CRYBG3: variants seen among roughly 807,000 people sequenced by gnomAD.
CRYBG3 encodes the protein very large A-kinase anchor protein.
A neutral mutation model predicts 244.2 loss-of-function variants in CRYBG3; 127 were observed. The observed-to-expected ratio is 0.52, with a 90% confidence interval of 0.45 to 0.60. The LOEUF (loss-of-function observed/expected upper bound fraction) is 0.60, where lower values mean the gene tolerates loss of function less well. CRYBG3 is among the 20% of genes least tolerant of loss of function. The pLI is 0.00. For missense variants in CRYBG3, 3,325 were observed against 3,442.5 expected, an observed-to-expected ratio of 0.97 and a Z score of 0.85; for synonymous variants, 1,132 against 1,195.8, an observed-to-expected ratio of 0.95 and a Z score of 1.10.
intron 2 of CRYBG3, among the ~76,000 whole-genome samples, chr3:97,851,560 A>T (rs1338202848): frequency 6.6e-6 from 1 of 152,236 alleles, no homozygotes; most frequent in African/African-American, 2.4e-5. Flanking sequence ...GATAAGTCCC[A>T]GCAGTGGAAA....
At chr3:97,910,781 A>AT (rs1424810208) in intron 15 of CRYBG3, among the ~76,000 whole-genome samples, 2 of 151,874 alleles carry the variant, frequency 1.3e-5, no homozygotes, top group East Asian at 1.9e-4. Context: ...CCCTTCTTTT[A>AT]TTTTTTTAAA....
intron 1 of CRYBG3, among the ~76,000 whole-genome samples, chr3:97,841,268 A>C (rs1409323431): frequency 6.7e-6 from 1 of 149,678 alleles, no homozygotes; most frequent in African/African-American, 2.5e-5. Flanking sequence ...GTGTATACAC[A>C]TATATGTACA....
Position 97,864,148 on chromosome 3 carries a change from A to G in CRYBG3, c.217-69A>G. 2 of 1,241,084 alleles carry G rather than the reference A, an allele frequency of 1.6e-6. 1 individual carries two copies. The highest frequency in any genetic ancestry group is 3.2e-5 in the South Asian group (2 of 61,848). The allele number at this position is 1,241,084 out of a possible 1,614,324, so 76.9% of individuals were successfully genotyped here. A position where few individuals can be genotyped will look rare whatever the true frequency, so the allele number is the denominator to read the frequency against. ...CTGGTGTCTACACAGAATCTGTTTTATAATAGCTTATCAGTCTGTTTCATT... is the reference window on the plus strand; with the variant it reads ...CTGGTGTCTACACAGAATCTGTTTTGTAATAGCTTATCAGTCTGTTTCATT... On this transcript the variant is annotated intron_variant, in intron 2 of 21. Coordinates refer to ENST00000389622, the MANE Select transcript of CRYBG3 (RefSeq NM_153605.4).
At chr3:97,902,560 G>C (rs1375567448) in intron 15 of CRYBG3, among the ~76,000 whole-genome samples, 1 of 150,890 alleles carries the variant, frequency 6.6e-6, no homozygotes, top group African/African-American at 2.4e-5. Context: ...CGTGTGCCAT[G>C]GTGGTTTGCT....
At chr3:97,855,081 C>T (rs965853490) in intron 2 of CRYBG3, among the ~76,000 whole-genome samples, 4 of 151,918 alleles carry the variant, frequency 2.6e-5, no homozygotes, top group Non-Finnish European at 5.9e-5. Context: ...TTTTATTAAA[C>T]GTTTTTCTGT....
At chr3:97,916,341 TGTCTGGTG>T (rs2039928957) in intron 17 of CRYBG3, among the ~76,000 whole-genome samples, 1 of 152,154 alleles carries the variant, frequency 6.6e-6, no homozygotes, top group Non-Finnish European at 1.5e-5. Context: ...AGGGCCTTTC[TGTCTGGTG>T]TGTGCAGAAT....
At chr3:97,921,481 G>C (rs1417391654) in intron 17 of CRYBG3, among the ~76,000 whole-genome samples, 3 of 152,006 alleles carry the variant, frequency 2.0e-5, no homozygotes, top group Non-Finnish European at 4.4e-5. Flanking sequence ...AAAATATATA[G>C]GCAGTAGTTG....
At chr3:97,827,925 A>G (rs1158186925) in intron 1 of CRYBG3, among the ~76,000 whole-genome samples, 1 of 152,210 alleles carries the variant, frequency 6.6e-6, no homozygotes, top group Non-Finnish European at 1.5e-5. Context: ...ATGGTTTGGA[A>G]TGGAAATAAA....
intron 17 of CRYBG3, among the ~76,000 whole-genome samples, chr3:97,917,649 T>C (rs191323429): frequency 2.0e-5 from 3 of 152,112 alleles, no homozygotes; most frequent in Admixed American, 6.5e-5. Context: ...CAATTTAGTG[T>C]TTTGTAATAA....
rs1404597550 is a variant in CRYBG3 at position 97,892,926 on chromosome 3, G to T, written c.7507G>T (p.Val2503Phe). ...AKEFSEHIDS[V>F]PNFLKNNGDF... is the part of the protein sequence containing the mutation. ...AGAGTTTAGTGAACATATAGATTCT[G>T]TTCCTAATTTTTTGAAAAATAATGG... is the stretch of plus-strand genomic sequence containing the variant. The change falls in exon 11 of 22, where the codon GTT becomes TTT. Residue 2503 changes from valine to phenylalanine, a missense_variant. Coordinates refer to ENST00000389622, the MANE Select transcript of CRYBG3 (RefSeq NM_153605.4). 1 of 1,595,028 alleles carries T rather than the reference G, an allele frequency of 6.3e-7. No homozygotes were observed. Among genetic ancestry groups the T allele is most frequent in the East Asian group, 2.3e-5 (1 of 44,218 alleles).
Position 97,864,427 on chromosome 3 carries a change from T to C in CRYBG3, c.427T>C (p.Ser143Pro), listed in dbSNP as rs1368105171. 9 of 1,535,842 alleles carry C rather than the reference T, an allele frequency of 5.9e-6. No individual in the cohort carries two copies. Among genetic ancestry groups the C allele is most frequent in the South Asian group, 1.2e-5 (1 of 84,054 alleles). Residue 143 changes from serine (S) to proline (P), a missense_variant, in exon 3 of 22, where the codon TCT (serine) becomes CCT (proline). Around this residue, in one of 4 missense-constraint regions of CRYBG3, gnomAD observed 1,526 missense variants for 1,443.2 expected, o/e 1.06. Transcript: ENST00000389622. ...GKSSLGEAKQ[S>P]SFKDDQDKTE... ...ATCATCTCTAGGTGAAGCTAAGCAG[T>C]CTTCTTTCAAAGATGACCAGGATAA...
chr3:97,841,011 G>GA (rs1484964029), intron 1 of CRYBG3, among the ~76,000 whole-genome samples: 3 of 151,584 alleles, frequency 2.0e-5, no homozygotes, highest in African/African-American at 7.3e-5. Context: ...TAGTAAAATA[G>GA]AAAAAAAGAG....
rs767292539 is a variant in CRYBG3, at chr3:97,933,706, C to T, written c.8254C>T (p.Pro2752Ser). 91 of 1,612,762 alleles carry T rather than the reference C, an allele frequency of 5.6e-5. 1 individual carries two copies. The Admixed American group carries it at 1.2e-3, about 22-fold the overall frequency. The change falls in exon 18 of 22, where the codon CCC (proline) becomes TCC (serine). Residue 2752 changes from proline to serine, a missense_variant. Transcript: ENST00000389622. ...TTTCTGCTAATAGGTTTTTGAAGAA[C>T]CCTCCATCAGCCTTTTTGCTCTGGA... ...LKPIDYVFEEPSISLFALEHC... is the reference protein window; with the variant it reads ...LKPIDYVFEESSISLFALEHC...
chr3:97,832,480 A>G (rs534440449), intron 1 of CRYBG3, among the ~76,000 whole-genome samples: 1 of 152,296 alleles, frequency 6.6e-6, no homozygotes, highest in South Asian at 2.1e-4. Context: ...AGGATTCCCT[A>G]TTTAATAAAT....
At chr3:97,828,695 G>A (rs1053215010) in intron 1 of CRYBG3, among the ~76,000 whole-genome samples, 4 of 151,840 alleles carry the variant, frequency 2.6e-5, no homozygotes, top group Admixed American at 2.6e-4. Flanking sequence ...CGGTGTGGTG[G>A]TGCTTGCCTG....
intron 10 of CRYBG3, among the ~76,000 whole-genome samples, chr3:97,891,090 C>G (rs9990346): frequency 6.6e-6 from 1 of 151,808 alleles, no homozygotes; most frequent in Non-Finnish European, 1.5e-5. Context: ...GAATAGTAGG[C>G]CATAGAAGCA....
At chr3:97,837,233 T>C (rs915979622) in intron 1 of CRYBG3, among the ~76,000 whole-genome samples, 38 of 152,122 alleles carry the variant, frequency 2.5e-4, no homozygotes, top group Admixed American at 1.7e-3. Context: ...GACTGGGGTA[T>C]TATTTGATCA....
Position 97,876,829 on chromosome 3 carries a change from T to C in CRYBG3, c.5635T>C (p.Leu1879=). The change falls in exon 4 of 22, where the codon TTG becomes CTG. Residue 1879 remains leucine (L), a synonymous_variant. Coordinates refer to ENST00000389622, the MANE Select transcript of CRYBG3 (RefSeq NM_153605.4). The stretch of plus-strand genomic sequence containing the variant: ...GAAAATACATGGAACAGGACTAGAA[T>C]TGACCACTAAACAAGGGGAGGCCAT... ...IEKIHGTGLE[L]TTKQGEAMLP... 2 of 1,372,480 alleles carry C rather than the reference T, an allele frequency of 1.5e-6. No individual in the cohort carries two copies. The allele number at this position is 1,372,480 out of a possible 1,614,324, so 85.0% of individuals were successfully genotyped here. A position where few individuals can be genotyped will look rare whatever the true frequency, so the allele number is the denominator to read the frequency against.
At position 97,880,160 on chromosome 3, in the gene CRYBG3, G is replaced by T. The variant is rs1156383042; in HGVS notation, c.7004+60G>T. ...CTTAAATTAAATGTGTCTTCTTGCT[G>T]TTAATGCTTTTTTTTCTATTTTTTA... On this transcript the variant is annotated intron_variant, in intron 6 of 21. Transcript: ENST00000389622. 9.6e-6 allele frequency: 8 copies of T among 832,892 alleles called. No homozygotes were observed. In the Admixed American group the frequency reaches 1.0e-4, roughly 11 times the overall value. 51.6% of individuals were successfully genotyped at this position (832,892 alleles called of 1,614,324 possible). A position where few individuals can be genotyped will look rare whatever the true frequency, so the allele number is the denominator to read the frequency against.
Sources: gnomAD v4.1 joint callset for allele counts (sites outside exome capture counted in the v4.1 genomes callset) on GRCh38, gnomAD v4.1.1 for gene constraint, gnomAD v4.1.1 regional missense constraint, MANE v1.5 for transcripts, NCBI Gene and HGNC (gene_info 2026-07-23, HGNC 2026-07-21) for gene names.